Variants in IARS2 observed in about 807,000 individuals in gnomAD.
IARS2 encodes isoleucine--tRNA ligase, mitochondrial.
Under a neutral mutation model 126.3 loss-of-function variants are expected in IARS2, and 56 were observed. That is an observed-to-expected ratio of 0.44 (90% CI 0.36 to 0.55). The LOEUF is 0.55. Ranked by LOEUF, IARS2 falls within the 20% of genes least tolerant of loss-of-function variation. The probability of loss-of-function intolerance (pLI) is 0.00; values close to 1 mark genes in which losing one functional copy is unlikely to be tolerated. For synonymous variants in IARS2, 407 were observed against 441.1 expected, an observed-to-expected ratio of 0.92 and a Z score of 0.97; for missense variants, 1,127 against 1,245.9, an observed-to-expected ratio of 0.90 and a Z score of 1.44.
chr1:220,113,376 C>A (rs963729713), intron 11 of IARS2, among the ~76,000 whole-genome samples: 2 of 152,114 alleles, frequency 1.3e-5, no homozygotes, highest in Admixed American at 6.6e-5. Flanking sequence ...CTGGTAGTTA[C>A]GGTGAGTGAG....
chr1:220,110,395 T>G (rs1211677140), intron 10 of IARS2, among the ~76,000 whole-genome samples: 7 of 152,088 alleles, frequency 4.6e-5, no homozygotes, highest in Non-Finnish European at 1.5e-5. Flanking sequence ...AGACGGAGTC[T>G]CGCTCTGTCA....
intron 13 of IARS2, 134 bp downstream of exon 13, chr1:220,125,473 GC>G: frequency 4.9e-6 from 3 of 611,404 alleles, no homozygotes; most frequent in Non-Finnish European, 8.7e-6. Flanking sequence ...AGAAGCTAAT[GC>G]AGTGTGAAAG....
chr1:220,125,795 C>T (rs1404833999), intron 13 of IARS2, among the ~76,000 whole-genome samples: 2 of 151,510 alleles, frequency 1.3e-5, no homozygotes, highest in Non-Finnish European at 2.9e-5. Flanking sequence ...AGAGTGAGAG[C>T]CCATCCCTGC....
rs191487401 is a variant in IARS2 at position 220,110,588 on chromosome 1, A to T, written c.1328-198A>T. ...ACCATGTTGGTCAGGCTGGTCTCGA[A>T]CTCCTGACCTCGTGATTTGCCTGCC... On this transcript the variant is annotated intron_variant, in intron 10 of 22. Transcript: ENST00000366922. 6.7e-3 allele frequency among the ~76,000 whole-genome samples: 1,015 copies of T among 151,556 alleles called. 8 individuals are homozygous for T. The highest frequency in any genetic ancestry group is 0.011 in the Non-Finnish European group (751 of 67,810).
chr1:220,136,152 G>A (rs1159980575), intron 15 of IARS2, among the ~76,000 whole-genome samples: 1 of 152,026 alleles, frequency 6.6e-6, no homozygotes, highest in Non-Finnish European at 1.5e-5. Context: ...TTTTGTTTGA[G>A]ATGGAGTCTT....
At chr1:220,123,737 A>G (rs1047043131) in intron 12 of IARS2, among the ~76,000 whole-genome samples, 2 of 152,184 alleles carry the variant, frequency 1.3e-5, no homozygotes, top group African/African-American at 2.4e-5. Context: ...TCAGCCTCCC[A>G]AAGTGCTGGG....
chr1:220,096,329 G>T, intron 2 of IARS2, 103 bp downstream of exon 2: 1 of 808,994 alleles, frequency 1.2e-6, no homozygotes, highest in Non-Finnish European at 1.8e-6. Context: ...ATTTAGATTT[G>T]CACATAAAAC....
intron 16 of IARS2, 142 bp from the exon 17 acceptor site, chr1:220,137,776 C>G (rs1401328827): frequency 8.7e-6 from 7 of 803,042 alleles, no homozygotes; most frequent in Non-Finnish European, 1.4e-5. Context: ...AGATTGTTAG[C>G]CCGCATTTCA....
rs1657522986 is a variant in IARS2 at position 220,143,130 on chromosome 1, T to C, written c.2747T>C (p.Ile916Thr). The change falls in exon 21 of 23, where the codon ATA becomes ACA. Residue 916 changes from isoleucine (I) to threonine (T), a missense_variant. By Grantham distance (89) the Ile-to-Thr change is moderately conservative. Coordinates refer to ENST00000366922, the MANE Select transcript of IARS2 (RefSeq NM_018060.4). ...GAACCTGGACTGCTTTTTGAGATAA[T>C]AGAGGTATGCAGCAATATGTACCTT... ...VIEPGLLFEI[I>T]EMLQSEETSS... 1.2e-6 allele frequency: 2 copies of C among 1,611,426 alleles called. No individual in the cohort carries two copies. The highest frequency in any genetic ancestry group is 1.7e-6 in the Non-Finnish European group (2 of 1,178,050).
At chr1:220,145,389 A>T (rs1657565964) in intron 21 of IARS2, 120 bp from the exon 22 acceptor site, 8 of 772,376 alleles carry the variant, frequency 1.0e-5, no homozygotes, top group Non-Finnish European at 1.0e-5. Flanking sequence ...TTTGCTCAGG[A>T]TGCAATGGTA....
intron 10 of IARS2, among the ~76,000 whole-genome samples, chr1:220,107,653 C>G (rs1483788315): frequency 6.6e-6 from 1 of 152,134 alleles, no homozygotes; most frequent in Non-Finnish European, 1.5e-5. Context: ...TATTACTTTT[C>G]TAGGGCTACT....
At chr1:220,111,047 T>A in intron 11 of IARS2, 110 bp downstream of exon 11, 1 of 976,686 alleles carries the variant, frequency 1.0e-6, no homozygotes. Context: ...TTGCTGCTAT[T>A]ATGATTTAGT....
intron 21 of IARS2, among the ~76,000 whole-genome samples, 161 bp from the exon 22 acceptor site, chr1:220,145,348 A>G (rs1657565503): frequency 6.6e-6 from 1 of 152,224 alleles, no homozygotes; most frequent in African/African-American, 2.4e-5. Flanking sequence ...AAAACCTTTT[A>G]TGCTAATTAG....
Position 220,126,927 on chromosome 1 carries a change from C to G in IARS2, c.1837+84C>G. ...TTTAGAAGGGATCTATAATCAAACT[C>G]TTTTTCTGTGTGTGCTTTATTTAGA... On this transcript the variant is annotated intron_variant, in intron 14 of 22. Transcript: ENST00000366922. 13 of 951,088 alleles carry G rather than the reference C, an allele frequency of 1.4e-5. No homozygotes were observed. The South Asian group carries it at 2.0e-4, about 15-fold the overall frequency. The allele number at this position is 951,088 out of a possible 1,614,324, so 58.9% of individuals were successfully genotyped here.
intron 14 of IARS2, among the ~76,000 whole-genome samples, chr1:220,129,490 C>G (rs1657217723): frequency 6.6e-6 from 1 of 152,068 alleles, no homozygotes. Flanking sequence ...CCTCATTGAC[C>G]AAACTCTCTT....
rs1174097090 is a variant in IARS2, at chr1:220,103,519, T to A, written c.1023T>A (p.Ala341=). 1.2e-6 allele frequency: 2 copies of A among 1,613,464 alleles called. No individual in the cohort carries two copies. The highest frequency in any genetic ancestry group is 2.7e-5 in the African/African-American group (2 of 74,920). Residue 341 remains alanine, a synonymous_variant, in exon 8 of 23, where the codon GCT becomes GCA. Transcript: ENST00000366922. ...CGGCAGATAAAGTAGCATCTGTTGC[T>A]TCTACTTTGGAAACAACATTTGAGA... ...VLAADKVASV[A]STLETTFETI... is the part of the protein sequence containing the mutation.
chr1:220,141,957 T>A lies in IARS2; in HGVS notation c.2560+9T>A. 1 of 1,610,124 alleles carries A rather than the reference T, an allele frequency of 6.2e-7. No homozygotes were observed. The highest frequency in any genetic ancestry group is 1.1e-5 in the South Asian group (1 of 90,116). On this transcript the variant is annotated intron_variant, in intron 20 of 22. Transcript: ENST00000366922. ...CATACCTTATATTAAAGGTAAGGAA[T>A]ACTTCATTTATTCTCTTAATGAGAA...
Position 220,139,134 on chromosome 1 carries a change from A to T in IARS2, c.2302A>T (p.Asn768Tyr), listed in dbSNP as rs1169733180. Residue 768 changes from asparagine to tyrosine, a missense_variant, in exon 18 of 23, where the codon AAC becomes TAC. Asn to Tyr is a moderately radical substitution (Grantham distance 143). Coordinates refer to ENST00000366922, the MANE Select transcript of IARS2 (RefSeq NM_018060.4). ...YMLHLLQDLA[N>Y]KITELYKQYD... ...GCTACACTTACTGCAGGATTTGGCA[A>T]ACAAGGTAAATGTAAATTAATAAAC... 6.2e-7 allele frequency: 1 copy of T among 1,605,120 alleles called. No homozygotes were observed. The highest frequency in any genetic ancestry group is 1.7e-5 in the Admixed American group (1 of 58,022).
At chr1:220,101,469 G>A (rs1656568645) in intron 3 of IARS2, among the ~76,000 whole-genome samples, 1 of 152,114 alleles carries the variant, frequency 6.6e-6, no homozygotes, top group South Asian at 2.1e-4. Flanking sequence ...GCTGAGGGAG[G>A]TGGATCGATC....
Sources: allele counts gnomAD v4.1 joint callset (sites outside exome capture counted in the v4.1 genomes callset), GRCh38; gene constraint gnomAD v4.1.1; transcripts MANE v1.5; gene names NCBI Gene and HGNC (gene_info 2026-07-23, HGNC 2026-07-21).